Variants in LPP observed in about 807,000 individuals in gnomAD.
LPP encodes lipoma-preferred partner.
Under a neutral mutation model 60.4 loss-of-function variants are expected in LPP, and 38 were observed. The ratio of observed to expected loss-of-function variants is 0.63; its 90% CI spans 0.49 to 0.83. The LOEUF (loss-of-function observed/expected upper bound fraction) is 0.83. Ranked by LOEUF, LPP falls within the 40% of genes least tolerant of loss-of-function variation. The pLI is 0.00. For missense variants in LPP, 902 were observed against 783.6 expected, an observed-to-expected ratio of 1.15 and a Z score of -1.80; for synonymous variants, 328 against 290.8, an observed-to-expected ratio of 1.13 and a Z score of -1.30.
chr3:188,875,525 A>C lies in LPP; in HGVS notation c.*1046A>C, dbSNP rs1347491681. ...TTGCCTGACAATTGCAAATCAGAGC[A>C]TACAAAATAAAACTGTGCAGTTTTG... On this transcript the variant is annotated 3_prime_UTR_variant, in exon 12 of 12. Coordinates refer to ENST00000617246, the MANE Select transcript of LPP (RefSeq NM_001375462.1). 1 of 213,742 alleles carries C rather than the reference A, an allele frequency of 4.7e-6. No homozygotes were observed. Among genetic ancestry groups the C allele is most frequent in the East Asian group, 7.0e-5 (1 of 14,288 alleles). 13.2% of individuals were successfully genotyped at this position (213,742 alleles called of 1,614,324 possible).
intron 1 of LPP, among the ~76,000 whole-genome samples, chr3:188,166,995 G>C (rs562361419): frequency 7.1e-4 from 108 of 152,194 alleles, no homozygotes; most frequent in Non-Finnish European, 1.2e-3. Context: ...TTATCGCTGA[G>C]GGATGTAGTA....
chr3:188,581,917 A>G (rs1412261322), intron 6 of LPP, among the ~76,000 whole-genome samples: 5 of 151,968 alleles, frequency 3.3e-5, no homozygotes. Context: ...TCAATACTTC[A>G]GCCGACTCTT....
Position 188,397,662 on chromosome 3 carries a change from G to T in LPP, c.-9-8450G>T, listed in dbSNP as rs534887945. 1.2e-4 allele frequency among the ~76,000 whole-genome samples: 18 copies of T among 151,268 alleles called. 1 individual carries two copies. Among genetic ancestry groups the T allele is most frequent in the African/African-American group, 4.4e-4 (18 of 41,184 alleles). On this transcript the variant is annotated intron_variant, in intron 3 of 11. Coordinates refer to ENST00000617246, the MANE Select transcript of LPP (RefSeq NM_001375462.1). ...GGAGTTTCACCCTGTCTCCCAGGCT[G>T]GAGTGCAGTGGCGCGATCTCGGCTC...
In LPP at chr3:188,875,983, G is replaced by C. The variant is rs1467648501; in HGVS notation, c.*1504G>C. 2 of 182,966 alleles carry C rather than the reference G, an allele frequency of 1.1e-5. No homozygotes were observed. Among genetic ancestry groups the C allele is most frequent in the Non-Finnish European group, 2.3e-5 (2 of 86,010 alleles). 11.3% of individuals were successfully genotyped at this position (182,966 alleles called of 1,614,324 possible). On this transcript the variant is annotated 3_prime_UTR_variant, in exon 12 of 12. Transcript: ENST00000617246. Reference sequence around the variant, plus strand: ...ATGGAGTATTTTAAGTCTACAAAAAGGTATAAATAATAATATAATGAATTC... The same window carrying C: ...ATGGAGTATTTTAAGTCTACAAAAACGTATAAATAATAATATAATGAATTC...
intron 3 of LPP, among the ~76,000 whole-genome samples, chr3:188,349,499 T>C (rs1765272150): frequency 6.6e-6 from 1 of 152,224 alleles, no homozygotes; most frequent in African/African-American, 2.4e-5. Context: ...TTTTTTAAAA[T>C]TCCCATTTGA....
intron 8 of LPP, among the ~76,000 whole-genome samples, chr3:188,730,630 A>G (rs1313248148): frequency 6.6e-6 from 1 of 152,162 alleles, no homozygotes; most frequent in Non-Finnish European, 1.5e-5. Flanking sequence ...AGGAGGAGAA[A>G]TTTTATCAAC....
chr3:188,473,984 C>T (rs575479098), intron 4 of LPP, among the ~76,000 whole-genome samples: 1 of 152,108 alleles, frequency 6.6e-6, no homozygotes, highest in Non-Finnish European at 1.5e-5. Context: ...AGCTAGATGG[C>T]TACATTAAGA....
chr3:188,536,821 G>T (rs1350539142), intron 6 of LPP, among the ~76,000 whole-genome samples: 1 of 152,168 alleles, frequency 6.6e-6, no homozygotes, highest in Non-Finnish European at 1.5e-5. Flanking sequence ...GAAGTGTCTT[G>T]AACTCTTTCT....
intron 2 of LPP, among the ~76,000 whole-genome samples, chr3:188,252,033 TA>T: frequency 2.1e-4 from 2 of 9,350 alleles, no homozygotes; most frequent in Non-Finnish European, 5.0e-4. Context: ...TTAATCCTGA[TA>T]TATATATATA....
chr3:188,343,018 T>C (rs1174082159), intron 3 of LPP, among the ~76,000 whole-genome samples: 2 of 152,198 alleles, frequency 1.3e-5, no homozygotes, highest in East Asian at 3.8e-4. Context: ...ATTTATTTAC[T>C]TATTATTTTA....
At chr3:188,359,509 C>T (rs966933166) in intron 3 of LPP, among the ~76,000 whole-genome samples, 3 of 152,162 alleles carry the variant, frequency 2.0e-5, no homozygotes, top group African/African-American at 7.2e-5. Context: ...TTCTTTCACC[C>T]TGCATTGGCC....
At chr3:188,193,390 T>G (rs2149017175) in intron 1 of LPP, among the ~76,000 whole-genome samples, 1 of 152,304 alleles carries the variant, frequency 6.6e-6, no homozygotes, top group Non-Finnish European at 1.5e-5. Flanking sequence ...CTCGGTTTCC[T>G]TACCTGTAAA....
At chr3:188,872,523 C>T in intron 10 of LPP, 120 bp from the exon 11 acceptor site, 1 of 1,068,456 alleles carries the variant, frequency 9.4e-7, no homozygotes, top group Non-Finnish European at 1.4e-6. Flanking sequence ...CTAACTCCCT[C>T]ACCTTACGGA....
chr3:188,326,171 G>A (rs180754293), intron 2 of LPP, among the ~76,000 whole-genome samples: 22 of 152,258 alleles, frequency 1.4e-4, no homozygotes, highest in Admixed American at 1.1e-3. Flanking sequence ...TTTAAGTTTG[G>A]CGTTTGAGGT....
chr3:188,417,950 G>T (rs779899390), intron 4 of LPP, among the ~76,000 whole-genome samples: 2 of 152,154 alleles, frequency 1.3e-5, no homozygotes, highest in Admixed American at 6.5e-5. Flanking sequence ...CACACGTTGG[G>T]GTAATCCTGA....
chr3:188,521,414 A>T (rs985296327), intron 5 of LPP, among the ~76,000 whole-genome samples: 1 of 152,046 alleles, frequency 6.6e-6, no homozygotes, highest in African/African-American at 2.4e-5. Flanking sequence ...TAATTCTGTG[A>T]CTTGTTGAGT....
At chr3:188,674,900 A>G (rs940784829) in intron 7 of LPP, among the ~76,000 whole-genome samples, 2 of 152,254 alleles carry the variant, frequency 1.3e-5, no homozygotes, top group African/African-American at 2.4e-5. Flanking sequence ...AAAGTTTATT[A>G]TCACAGGACA....
chr3:188,279,825 C>A (rs1043820027), intron 2 of LPP, among the ~76,000 whole-genome samples: 20 of 152,184 alleles, frequency 1.3e-4, no homozygotes, highest in Non-Finnish European at 7.4e-5. Context: ...TCTTTTTGCT[C>A]TTGTCAGCTG....
At chr3:188,364,684 A>C (rs577197334) in intron 3 of LPP, among the ~76,000 whole-genome samples, 4 of 152,354 alleles carry the variant, frequency 2.6e-5, no homozygotes, top group Admixed American at 6.5e-5. Flanking sequence ...TCGACCTGGC[A>C]GAAAGGGGAA....
Sources: gnomAD v4.1 joint callset for allele counts (sites outside exome capture counted in the v4.1 genomes callset) on GRCh38, gnomAD v4.1.1 for gene constraint, MANE v1.5 for transcripts, NCBI Gene and HGNC (gene_info 2026-07-23, HGNC 2026-07-21) for gene names.